The following PRSS21 variants were observed in gnomAD, a reference collection of about 807,000 sequenced individuals.
PRSS21 encodes the protein testisin.
A neutral mutation model predicts 31.1 loss-of-function variants in PRSS21; 40 were observed. The ratio of observed to expected loss-of-function variants is 1.29; its 90% CI spans 1.00 to 1.68. The LOEUF (loss-of-function observed/expected upper bound fraction) is 1.68. PRSS21 is among the 40% of genes most tolerant of loss of function. The pLI, the probability that PRSS21 is intolerant of heterozygous loss-of-function variation, is 0.00. For synonymous variants in PRSS21, 186 were observed against 167.7 expected (o/e 1.11, Z -0.84); for missense variants, 467 against 412.6 (o/e 1.13, Z -1.14).
At position 2,817,785 on chromosome 16, in the gene PRSS21, C is replaced by G. The variant is rs1415240502; in HGVS notation, c.92-16C>G. ...GGCTGCCTCCCGCGGCTCAGCAGTTCCTCTGACCATCCGAGGACCATGCGG... is the reference window on the plus strand; with the variant it reads ...GGCTGCCTCCCGCGGCTCAGCAGTTGCTCTGACCATCCGAGGACCATGCGG... On this transcript the variant is annotated splice_polypyrimidine_tract_variant and intron_variant, in intron 2 of 5. Coordinates refer to ENST00000005995, the MANE Select transcript of PRSS21 (RefSeq NM_006799.4). The surrounding 1 kb of genome is among the most constrained non-coding windows in gnomAD (Gnocchi z 4.2). 6.5e-7 allele frequency: 1 copy of G among 1,546,828 alleles called. No homozygotes were observed. The highest frequency in any genetic ancestry group is 8.7e-7 in the Non-Finnish European group (1 of 1,145,192).
Position 2,817,385 on chromosome 16 carries a change from G to C in PRSS21, c.65-45G>C, listed in dbSNP as rs993614623. Reference sequence around the variant, plus strand: ...GGGGAGGCGGGGGAGCGGTGGGGAGGACGGGAGGTGGAGGCCGCGGGGAGT... The same window carrying C: ...GGGGAGGCGGGGGAGCGGTGGGGAGCACGGGAGGTGGAGGCCGCGGGGAGT... On this transcript the variant is annotated intron_variant, in intron 1 of 5. Coordinates refer to ENST00000005995, the MANE Select transcript of PRSS21 (RefSeq NM_006799.4). The surrounding 1 kb of genome is among the most constrained non-coding windows in gnomAD (Gnocchi z 4.2). 6.3e-7 allele frequency: 1 copy of C among 1,588,664 alleles called. No homozygotes were observed. The highest frequency in any genetic ancestry group is 2.3e-5 in the East Asian group (1 of 44,276).
Position 2,821,660 on chromosome 16 carries a change from T to A in PRSS21, c.*55T>A, listed in dbSNP as rs2069181863. On this transcript the variant is annotated 3_prime_UTR_variant, in exon 6 of 6. Coordinates refer to ENST00000005995, the MANE Select transcript of PRSS21 (RefSeq NM_006799.4). ...ACTGCCAAGTCAGGCCCTGGTTCTC[T>A]TCTGTCTTGTTTGGTAATAAACACA... is the stretch of plus-strand genomic sequence containing the variant. The A allele has an allele frequency of 1.3e-6, 2 of 1,573,238 alleles. No homozygotes were observed. The highest frequency in any genetic ancestry group is 2.3e-5 in the South Asian group (2 of 88,676).
Position 2,820,975 on chromosome 16 carries a change from C to G in PRSS21, c.571C>G (p.Leu191Val), listed in dbSNP as rs769548034. The G allele has an allele frequency of 1.2e-6, 2 of 1,613,800 alleles. No homozygotes were observed. Among genetic ancestry groups the G allele is most frequent in the African/African-American group, 1.3e-5 (1 of 74,938 alleles). The change falls in exon 5 of 6, where the codon CTC becomes GTC. Residue 191 changes from leucine to valine, a missense_variant. Physicochemically the swap from Leu to Val is conservative, Grantham distance 32. Coordinates refer to ENST00000005995, the MANE Select transcript of PRSS21 (RefSeq NM_006799.4). ...CACAGCACTGCCATCTCCCCACACC[C>G]TCCAGGAAGTTCAGGTCGCCATCAT... ...EDEALPSPHT[L>V]QEVQVAIINN...
Position 2,817,414 on chromosome 16 carries a change from T to A in PRSS21, c.65-16T>A, listed in dbSNP as rs1474621696. On this transcript the variant is annotated splice_polypyrimidine_tract_variant and intron_variant, in intron 1 of 5. Coordinates refer to ENST00000005995, the MANE Select transcript of PRSS21 (RefSeq NM_006799.4). The surrounding 1 kb of genome is among the most constrained non-coding windows in gnomAD (Gnocchi z 4.2). ...GGAGGTGGAGGCCGCGGGGAGTCAC[T>A]TCTTGTCTCCCGCAGAGTCGCAGGA... 3 of 1,596,750 alleles carry A rather than the reference T, an allele frequency of 1.9e-6. No individual in the cohort carries two copies. The highest frequency in any genetic ancestry group is 2.6e-6 in the Non-Finnish European group (3 of 1,176,146).
intron 4 of PRSS21, among the ~76,000 whole-genome samples, chr16:2,820,754 A>G (rs2069157515): frequency 6.6e-6 from 1 of 152,108 alleles, no homozygotes; most frequent in African/African-American, 2.4e-5. Flanking sequence ...GAGCTCTGAC[A>G]GCCTGTCCCT....
chr16:2,817,946 G>A lies in PRSS21; in HGVS notation c.237G>A (p.Thr79=), dbSNP rs768155804. The change falls in exon 3 of 6, where the codon ACG becomes ACA. Residue 79 remains threonine, a synonymous_variant. Coordinates refer to ENST00000005995, the MANE Select transcript of PRSS21 (RefSeq NM_006799.4). This position sits in a 1 kb window ranked among gnomAD's most constrained non-coding sequence, Gnocchi z 4.2. ...TGCTCAGCCACCGCTGGGCACTCAC[G>A]GCGGCGCACTGCTTTGAAACGTGAG... ...VSLLSHRWAL[T]AAHCFETYSD... 17 of 1,548,990 alleles carry A rather than the reference G, an allele frequency of 1.1e-5. No homozygotes were observed. The highest frequency in any genetic ancestry group is 3.6e-5 in the South Asian group (3 of 84,026).
rs1367233100 is a variant in PRSS21 at position 2,821,418 on chromosome 16, T to C, written c.758T>C (p.Ile253Thr). The C allele has an allele frequency of 1.2e-6, 2 of 1,614,208 alleles. No individual in the cohort carries two copies. Among genetic ancestry groups the C allele is most frequent in the Admixed American group, 1.7e-5 (1 of 60,030 alleles). Reference protein sequence around the residue: ...ACNKNGLWYQIGVVSWGVGCG... With the variant: ...ACNKNGLWYQTGVVSWGVGCG... ...AACAAGAATGGACTGTGGTATCAGA[T>C]TGGAGTCGTGAGCTGGGGAGTGGGC... Residue 253 changes from isoleucine (I) to threonine (T), a missense_variant, in exon 6 of 6, where the codon ATT (isoleucine) becomes ACT (threonine). Physicochemically the swap from Ile to Thr is moderately conservative, Grantham distance 89. Coordinates refer to ENST00000005995, the MANE Select transcript of PRSS21 (RefSeq NM_006799.4).
chr16:2,817,510 G>C lies in PRSS21; in HGVS notation c.91+54G>C. On this transcript the variant is annotated intron_variant, in intron 2 of 5. Coordinates refer to ENST00000005995, the MANE Select transcript of PRSS21 (RefSeq NM_006799.4). The surrounding 1 kb of genome is among the most constrained non-coding windows in gnomAD (Gnocchi z 4.2). The stretch of plus-strand genomic sequence containing the variant: ...CCAGGGCCGTTGGGCCGAGGTGGAC[G>C]GGGGGCGGTGAGGGGGTAGAGGGGG... 2.1e-6 allele frequency: 3 copies of C among 1,463,350 alleles called. No homozygotes were observed. Among genetic ancestry groups the C allele is most frequent in the East Asian group, 2.5e-5 (1 of 40,798 alleles). 90.6% of individuals were successfully genotyped at this position (1,463,350 alleles called of 1,614,324 possible).
Position 2,817,586 on chromosome 16 carries a change from G to A in PRSS21, c.91+130G>A, listed in dbSNP as rs1183864901. ...CCCCGGGATCGAGAACTCTGTTGGC[G>A]TGGAAAGTAACTAACGGACGCTGGA... On this transcript the variant is annotated intron_variant, in intron 2 of 5. Transcript: ENST00000005995. The surrounding 1 kb of genome is among the most constrained non-coding windows in gnomAD (Gnocchi z 4.2). The A allele has an allele frequency of 6.5e-6, 9 of 1,395,340 alleles. No homozygotes were observed. Among genetic ancestry groups the A allele is most frequent in the Admixed American group, 2.4e-5 (1 of 41,736 alleles). The allele number at this position is 1,395,340 out of a possible 1,614,324, so 86.4% of individuals were successfully genotyped here.
rs1303789554 is a variant in PRSS21 at position 2,817,580 on chromosome 16, G to A, written c.91+124G>A. ...CCCCGCCCCCGGGATCGAGAACTCT[G>A]TTGGCGTGGAAAGTAACTAACGGAC... On this transcript the variant is annotated intron_variant, in intron 2 of 5. Transcript: ENST00000005995. The surrounding 1 kb of genome is among the most constrained non-coding windows in gnomAD (Gnocchi z 4.2). 7.1e-7 allele frequency: 1 copy of A among 1,411,228 alleles called. No homozygotes were observed. Among genetic ancestry groups the A allele is most frequent in the East Asian group, 2.5e-5 (1 of 40,010 alleles). The allele number at this position is 1,411,228 out of a possible 1,614,324, so 87.4% of individuals were successfully genotyped here.
Position 2,817,905 on chromosome 16 carries a change from G to T in PRSS21, c.196G>T (p.Val66Leu). 1 of 1,549,488 alleles carries T rather than the reference G, an allele frequency of 6.5e-7. No homozygotes were observed. Among genetic ancestry groups the T allele is most frequent in the Non-Finnish European group, 8.7e-7 (1 of 1,146,892 alleles). Residue 66 changes from valine to leucine, a missense_variant, in exon 3 of 6, where the codon GTA (valine) becomes TTA (leucine). By Grantham distance (32) the Val-to-Leu change is conservative. Coordinates refer to ENST00000005995, the MANE Select transcript of PRSS21 (RefSeq NM_006799.4). The surrounding 1 kb of genome is among the most constrained non-coding windows in gnomAD (Gnocchi z 4.2). ...GAGCCTGCGCCTGTGGGATTCCCACGTATGCGGAGTGAGCCTGCTCAGCCA... is the reference window on the plus strand; with the variant it reads ...GAGCCTGCGCCTGTGGGATTCCCACTTATGCGGAGTGAGCCTGCTCAGCCA... ...QGSLRLWDSH[V>L]CGVSLLSHRW...
chr16:2,821,195 TG>T (rs2150813195), intron 5 of PRSS21, 86 bp downstream of exon 5: 1 of 1,566,026 alleles, frequency 6.4e-7, no homozygotes, highest in East Asian at 2.2e-5. Context: ...CCCCGGGAGG[TG>T]GAGACTGTTG....
chr16:2,820,629 A>C (rs2069154569), intron 4 of PRSS21, among the ~76,000 whole-genome samples: 1 of 152,132 alleles, frequency 6.6e-6, no homozygotes, highest in South Asian at 2.1e-4. Context: ...GCTCATCTGA[A>C]CACCGTCTCA....
chr16:2,817,987 A>C lies in PRSS21; in HGVS notation c.257+21A>C. The stretch of plus-strand genomic sequence containing the variant: ...GAAACGTGAGTGGGGGTGCGAACGG[A>C]GGGGTGCGGGGACGGGCAGGAACAG... On this transcript the variant is annotated intron_variant, in intron 3 of 5. Coordinates refer to ENST00000005995, the MANE Select transcript of PRSS21 (RefSeq NM_006799.4). This position sits in a 1 kb window ranked among gnomAD's most constrained non-coding sequence, Gnocchi z 4.2. The C allele has an allele frequency of 6.5e-7, 1 of 1,542,096 alleles. No individual in the cohort carries two copies.
Position 2,818,713 on chromosome 16 carries a change from C to T in PRSS21, c.294C>T (p.Val98=), listed in dbSNP as rs2069120652. The change falls in exon 4 of 6, where the codon GTC becomes GTT. Residue 98 remains valine, a synonymous_variant. Transcript: ENST00000005995. The part of the protein sequence containing the change: ...SDLSDPSGWM[V]QFGQLTSMPS... ...TTAGTGATCCCTCCGGGTGGATGGT[C>T]CAGTTTGGCCAGCTGACTTCCATGC... 6.2e-7 allele frequency: 1 copy of T among 1,614,052 alleles called. No homozygotes were observed. The highest frequency in any genetic ancestry group is 1.3e-5 in the African/African-American group (1 of 74,930).
intron 4 of PRSS21, among the ~76,000 whole-genome samples, chr16:2,820,683 C>G (rs1231206143): frequency 6.6e-6 from 1 of 152,236 alleles, no homozygotes; most frequent in African/African-American, 2.4e-5. Flanking sequence ...TGAGGAATCT[C>G]TCCATGGCTG....
chr16:2,819,895 G>A (rs2069142424), intron 4 of PRSS21, among the ~76,000 whole-genome samples: 1 of 152,216 alleles, frequency 6.6e-6, no homozygotes, highest in African/African-American at 2.4e-5. Flanking sequence ...AGTTGGGAGT[G>A]GGGAACTCAG....
chr16:2,820,688 T>C (rs756567630), intron 4 of PRSS21, among the ~76,000 whole-genome samples: 1 of 152,192 alleles, frequency 6.6e-6, no homozygotes, highest in Non-Finnish European at 1.5e-5. Flanking sequence ...AATCTCTCCA[T>C]GGCTGCAGGC....
Position 2,817,684 on chromosome 16 carries a change from A to T in PRSS21, c.92-117A>T. On this transcript the variant is annotated intron_variant, in intron 2 of 5. Transcript: ENST00000005995. The surrounding 1 kb of genome is among the most constrained non-coding windows in gnomAD (Gnocchi z 4.2). ...ACCTACTTCCTGCTGCACACACGCG[A>T]GGGGACCCTGGGTGGGCAAAAACGT... 2 of 1,381,810 alleles carry T rather than the reference A, an allele frequency of 1.4e-6. No homozygotes were observed. The highest frequency in any genetic ancestry group is 2.7e-5 in the South Asian group (2 of 72,790). 85.6% of individuals were successfully genotyped at this position (1,381,810 alleles called of 1,614,324 possible).
Sources: allele counts gnomAD v4.1 joint callset (sites outside exome capture counted in the v4.1 genomes callset), GRCh38; gene constraint gnomAD v4.1.1; non-coding constraint Gnocchi (gnomAD v3.1); transcripts MANE v1.5; gene names NCBI Gene and HGNC (gene_info 2026-07-23, HGNC 2026-07-21).